The following CDH9 variants were observed in gnomAD, a reference collection of about 807,000 sequenced individuals.
CDH9 encodes cadherin-9.
CDH9 carries 28 observed loss-of-function variants against 70.9 expected under a neutral mutation model. That is an observed-to-expected ratio of 0.40 (90% CI 0.29 to 0.54). The LOEUF is 0.54. CDH9 is among the 20% of genes least tolerant of loss of function. The pLI, the probability that CDH9 is intolerant of heterozygous loss-of-function variation, is 0.59. For missense variants in CDH9, 874 were observed against 984.4 expected, an observed-to-expected ratio of 0.89 and a Z score of 1.50; for synonymous variants, 409 against 343.1, an observed-to-expected ratio of 1.19 and a Z score of -2.12.
chr5:27,037,021 C>T (rs1473358143), intron 1 of CDH9, among the ~76,000 whole-genome samples: 2 of 152,092 alleles, frequency 1.3e-5, no homozygotes, highest in East Asian at 3.9e-4. Context: ...TCACAATGGA[C>T]ACACATTGCC....
chr5:27,024,961 G>T (rs1158702370), intron 1 of CDH9, among the ~76,000 whole-genome samples: 1 of 152,032 alleles, frequency 6.6e-6, no homozygotes, highest in Non-Finnish European at 1.5e-5. Context: ...GATTTAGTAT[G>T]ATAGTTAAGC....
At chr5:27,015,277 A>G (rs761942355) in intron 1 of CDH9, among the ~76,000 whole-genome samples, 37 of 151,740 alleles carry the variant, frequency 2.4e-4, no homozygotes, top group Non-Finnish European at 2.8e-4. Flanking sequence ...TTATCTCTAA[A>G]TGATCGTGTT....
intron 1 of CDH9, among the ~76,000 whole-genome samples, chr5:27,009,317 T>C (rs1281669150): frequency 6.6e-6 from 1 of 152,062 alleles, no homozygotes; most frequent in Non-Finnish European, 1.5e-5. Flanking sequence ...AACCTATGCA[T>C]TAAAAGATAT....
intron 1 of CDH9, among the ~76,000 whole-genome samples, chr5:27,011,629 T>C (rs1315619272): frequency 6.6e-6 from 1 of 152,106 alleles, no homozygotes; most frequent in Non-Finnish European, 1.5e-5. Context: ...CTTAGGAAAC[T>C]TATAGTGTTA....
intron 2 of CDH9, among the ~76,000 whole-genome samples, chr5:26,974,112 T>C (rs754935466): frequency 3.9e-5 from 6 of 152,092 alleles, no homozygotes; most frequent in Non-Finnish European, 8.8e-5. Flanking sequence ...GGCATGATAG[T>C]GGGTGCCTGT....
chr5:26,951,031 C>T (rs993621372), intron 2 of CDH9, among the ~76,000 whole-genome samples: 3 of 152,020 alleles, frequency 2.0e-5, no homozygotes, highest in Middle Eastern at 3.2e-3. Context: ...TGCTGGCTCG[C>T]GCCTGTAATC....
intron 9 of CDH9, 142 bp from the exon 10 acceptor site, chr5:26,886,225 A>G: frequency 1.0e-6 from 1 of 984,842 alleles, no homozygotes; most frequent in South Asian, 2.1e-5. Context: ...ATTTTCAGAA[A>G]ATTATGCCAA....
At chr5:27,008,908 T>A (rs779819457) in intron 1 of CDH9, among the ~76,000 whole-genome samples, 7 of 152,182 alleles carry the variant, frequency 4.6e-5, no homozygotes, top group Non-Finnish European at 4.4e-5. Context: ...TTCAATCTTA[T>A]AACATCTCCA....
chr5:26,951,490 A>G (rs1480868039), intron 2 of CDH9, among the ~76,000 whole-genome samples: 1 of 152,012 alleles, frequency 6.6e-6, no homozygotes, highest in African/African-American at 2.4e-5. Context: ...TTAATTTGGC[A>G]TACTCCCTGG....
intron 1 of CDH9, among the ~76,000 whole-genome samples, chr5:26,993,259 C>G (rs1281104090): frequency 6.6e-6 from 1 of 152,046 alleles, no homozygotes; most frequent in Admixed American, 6.6e-5. Flanking sequence ...GTAGAAAAGA[C>G]CTTGGCTAAA....
intron 1 of CDH9, among the ~76,000 whole-genome samples, chr5:27,015,227 T>C (rs532306515): frequency 1.1e-4 from 16 of 151,646 alleles, no homozygotes; most frequent in African/African-American, 3.4e-4. Flanking sequence ...CCCAAGGAGG[T>C]AGAATTATAA....
At chr5:26,902,167 C>A (rs1740865603) in intron 7 of CDH9, among the ~76,000 whole-genome samples, 2 of 151,846 alleles carry the variant, frequency 1.3e-5, no homozygotes. Flanking sequence ...AAACAATGGG[C>A]AAATTACTTA....
At position 26,881,384 on chromosome 5, in the gene CDH9, C is replaced by T. The variant is rs867901234; in HGVS notation, c.2122G>A (p.Glu708Lys). The T allele has an allele frequency of 1.2e-6, 2 of 1,608,440 alleles. No individual in the cohort carries two copies. The highest frequency in any genetic ancestry group is 1.3e-5 in the African/African-American group (1 of 74,596). Residue 708 changes from glutamate to lysine, a missense_variant, in exon 12 of 12, where the codon GAA becomes AAA. Glu to Lys is a moderately conservative substitution (Grantham distance 56, BLOSUM62 1). Transcript: ENST00000231021. ...FQIRRTVPLW[E>K]NIDVQDFIHR... ...ATAAAATCTTGTACATCAATATTTT[C>T]CCACAGAGGCACAGTCCTCCTTATC...
At chr5:26,923,784 C>A (rs1025067559) in intron 2 of CDH9, among the ~76,000 whole-genome samples, 1 of 151,828 alleles carries the variant, frequency 6.6e-6, no homozygotes, top group Non-Finnish European at 1.5e-5. Flanking sequence ...ACAAACACAT[C>A]GAAATTAATC....
At chr5:27,035,303 T>G (rs1477137599) in intron 1 of CDH9, among the ~76,000 whole-genome samples, 2 of 151,338 alleles carry the variant, frequency 1.3e-5, no homozygotes, top group Non-Finnish European at 3.0e-5. Flanking sequence ...TTCCAAAATT[T>G]TATGTAAACA....
chr5:26,972,565 C>G (rs958301400), intron 2 of CDH9, among the ~76,000 whole-genome samples: 3 of 152,074 alleles, frequency 2.0e-5, no homozygotes, highest in Admixed American at 1.3e-4. Flanking sequence ...GATTTCTCTT[C>G]CCACTTTTCA....
intron 5 of CDH9, among the ~76,000 whole-genome samples, chr5:26,904,158 C>T (rs556627073): frequency 1.4e-5 from 2 of 145,690 alleles, no homozygotes; most frequent in Non-Finnish European, 3.1e-5. Context: ...TCATCTGGGG[C>T]TTTCAAAATG....
chr5:26,887,373 TGTATAA>T lies in CDH9; in HGVS notation c.1513-1296_1513-1291del, dbSNP rs569041147. Among the ~76,000 whole-genome samples the T allele has an allele frequency of 1.1e-3, 167 of 151,614 alleles. 2 individuals are homozygous for T. Among genetic ancestry groups the T allele is most frequent in the South Asian group, 4.1e-3 (20 of 4,820 alleles). On this transcript the variant is annotated intron_variant, in intron 9 of 11. Coordinates refer to ENST00000231021, the MANE Select transcript of CDH9 (RefSeq NM_016279.4). Reference sequence around the variant, plus strand: ...AGTCTTGAAATTATTAGATGAGCTTTGTATAAGTATATTTTATGAGGATATACATAT... The same window carrying T: ...AGTCTTGAAATTATTAGATGAGCTTTGTATATTTTATGAGGATATACATAT...
At chr5:27,023,952 T>C (rs974082754) in intron 1 of CDH9, among the ~76,000 whole-genome samples, 5 of 151,828 alleles carry the variant, frequency 3.3e-5, no homozygotes, top group Admixed American at 6.6e-5. Flanking sequence ...CTCGGGAGGC[T>C]GAGGTAGGAG....
Sources: allele counts gnomAD v4.1 joint callset (sites outside exome capture counted in the v4.1 genomes callset), GRCh38; gene constraint gnomAD v4.1.1; transcripts MANE v1.5; gene names NCBI Gene and HGNC (gene_info 2026-07-23, HGNC 2026-07-21).